Variants in ADGRA3 observed in about 807,000 individuals in gnomAD.
ADGRA3 encodes adhesion G protein-coupled receptor A3, also known as G-protein coupled receptor 125.
A neutral mutation model predicts 119.8 loss-of-function variants in ADGRA3; 56 were observed. The observed-to-expected ratio is 0.47, with a 90% CI of 0.38 to 0.58. The LOEUF is 0.58. Among genes scored for constraint, ADGRA3 ranks in the 20% least tolerant of loss-of-function variants. The pLI is 0.00. For missense variants in ADGRA3, 1,516 were observed against 1,649.0 expected (o/e 0.92, Z 1.40); for synonymous variants, 607 against 623.8 (o/e 0.97, Z 0.40).
At chr4:22,415,262 A>G (rs533328024) in intron 12 of ADGRA3, among the ~76,000 whole-genome samples, 48 of 152,298 alleles carry the variant, frequency 3.2e-4, no homozygotes, top group African/African-American at 1.1e-3. Flanking sequence ...TTTAAAAACA[A>G]TTCTACTTAA....
At chr4:22,404,641 A>G (rs1341163699) in intron 14 of ADGRA3, among the ~76,000 whole-genome samples, 1 of 152,202 alleles carries the variant, frequency 6.6e-6, no homozygotes, top group Non-Finnish European at 1.5e-5. Flanking sequence ...CAACCCTTGG[A>G]GGCCCTGCAG....
chr4:22,505,472 C>T (rs1471144616), intron 1 of ADGRA3, among the ~76,000 whole-genome samples: 1 of 151,840 alleles, frequency 6.6e-6, no homozygotes, highest in Non-Finnish European at 1.5e-5. Context: ...GATGATGAAA[C>T]CACATCTCTA....
chr4:22,433,332 T>TA (rs1386907455), intron 10 of ADGRA3, among the ~76,000 whole-genome samples: 1 of 152,184 alleles, frequency 6.6e-6, no homozygotes, highest in East Asian at 1.9e-4. Context: ...TCTGAGGTCA[T>TA]AAAAATGTTA....
At chr4:22,436,377 G>A in intron 9 of ADGRA3, 63 bp downstream of exon 9, 5 of 1,087,660 alleles carry the variant, frequency 4.6e-6, no homozygotes, top group African/African-American at 1.6e-5. Flanking sequence ...AAAAACTTAT[G>A]TATTTGGTTT....
At chr4:22,437,582 C>T (rs1235651672) in intron 8 of ADGRA3, among the ~76,000 whole-genome samples, 2 of 152,148 alleles carry the variant, frequency 1.3e-5, no homozygotes, top group Admixed American at 1.3e-4. Flanking sequence ...TGTCTTAAAG[C>T]ACCTTTGAAA....
chr4:22,481,199 G>A (rs1219091989), intron 1 of ADGRA3, among the ~76,000 whole-genome samples: 1 of 152,160 alleles, frequency 6.6e-6, no homozygotes, highest in South Asian at 2.1e-4. Context: ...AGAAAGGAAG[G>A]TTGGCTAGAT....
chr4:22,431,548 A>G (rs186757689), intron 10 of ADGRA3, among the ~76,000 whole-genome samples: 21 of 152,326 alleles, frequency 1.4e-4, no homozygotes, highest in South Asian at 2.1e-4. Context: ...TGATGGTTTT[A>G]TAAGGGGTTT....
chr4:22,436,752 CCTGACA>C (rs1207305472), intron 8 of ADGRA3, 111 bp from the exon 9 acceptor site: 3 of 875,316 alleles, frequency 3.4e-6, no homozygotes, highest in Non-Finnish European at 5.4e-6. Context: ...TCAATACAAC[CCTGACA>C]CGGGTCATCA....
intron 2 of ADGRA3, among the ~76,000 whole-genome samples, chr4:22,472,841 G>A (rs1208656714): frequency 6.6e-6 from 1 of 152,156 alleles, no homozygotes; most frequent in Admixed American, 6.5e-5. Context: ...ACATCTTACA[G>A]TGTAGCTCCC....
chr4:22,450,264 CTTCT>C (rs1379078401), intron 4 of ADGRA3, among the ~76,000 whole-genome samples: 4 of 146,238 alleles, frequency 2.7e-5, no homozygotes, highest in Non-Finnish European at 6.0e-5. Flanking sequence ...ATCCTTTATG[CTTCT>C]TTTTTTTTTT....
At chr4:22,451,213 T>C (rs1430612354) in intron 4 of ADGRA3, among the ~76,000 whole-genome samples, 1 of 151,950 alleles carries the variant, frequency 6.6e-6, no homozygotes, top group Admixed American at 6.6e-5. Context: ...ATATTTCTGA[T>C]AGGGAAATAT....
intron 1 of ADGRA3, among the ~76,000 whole-genome samples, chr4:22,513,661 G>A (rs1051784625): frequency 6.6e-6 from 1 of 150,794 alleles, no homozygotes. Context: ...ACAGGCATAC[G>A]CCACTACGCC....
intron 1 of ADGRA3, among the ~76,000 whole-genome samples, chr4:22,501,542 C>T (rs558420109): frequency 1.3e-5 from 2 of 151,962 alleles, no homozygotes; most frequent in East Asian, 3.9e-4. Flanking sequence ...ACTCACCTCC[C>T]AAAACTCTCT....
Position 22,388,893 on chromosome 4 carries a change from G to A in ADGRA3, c.2778C>T (p.Phe926=), listed in dbSNP as rs2108989895. The A allele has an allele frequency of 6.2e-7, 1 of 1,614,090 alleles. No homozygotes were observed. Among genetic ancestry groups the A allele is most frequent in the African/African-American group, 1.3e-5 (1 of 75,040 alleles). Residue 926 remains phenylalanine, a synonymous_variant, in exon 19 of 19, where the codon TTC becomes TTT. Transcript: ENST00000334304. The part of the protein sequence containing the change: ...SLGAFYGPAS[F]ITFVNCMYFL... The stretch of plus-strand genomic sequence containing the variant: ...AGTACATGCAGTTTACAAAAGTGAT[G>A]AAGCTGGCTGGCCCATAGAAGGCTC...
chr4:22,482,219 C>T (rs887486676), intron 1 of ADGRA3, among the ~76,000 whole-genome samples: 3 of 152,150 alleles, frequency 2.0e-5, no homozygotes, highest in Non-Finnish European at 4.4e-5. Flanking sequence ...TCTACCATTT[C>T]TCTCACAACA....
rs374058696 is a variant in ADGRA3 at position 22,438,462 on chromosome 4, G to A, written c.921-42C>T. The stretch of plus-strand genomic sequence containing the variant: ...TTTAAAAAGAGAGAAAATATAATTA[G>A]GCAAAAAAGGAGACAATAATGGGTC... On this transcript the variant is annotated intron_variant, in intron 7 of 18. Transcript: ENST00000334304. 5.3e-5 allele frequency: 80 copies of A among 1,509,584 alleles called. 1 individual carries two copies. The African/African-American group carries it at 6.2e-4, about 12-fold the overall frequency. The allele number at this position is 1,509,584 out of a possible 1,614,324, so 93.5% of individuals were successfully genotyped here. A position where few individuals can be genotyped will look rare whatever the true frequency, so the allele number is the denominator to read the frequency against.
At chr4:22,448,005 A>G (rs981463162) in intron 4 of ADGRA3, among the ~76,000 whole-genome samples, 2 of 152,298 alleles carry the variant, frequency 1.3e-5, no homozygotes, top group South Asian at 4.1e-4. Context: ...GCTTAAAATG[A>G]GAGACTGGGG....
At chr4:22,427,458 T>C (rs539513273) in intron 10 of ADGRA3, among the ~76,000 whole-genome samples, 1 of 149,494 alleles carries the variant, frequency 6.7e-6, no homozygotes, top group African/African-American at 2.6e-5. Flanking sequence ...GTGTTAATAA[T>C]TATAAAAAAA....
chr4:22,485,302 G>A (rs866815541), intron 1 of ADGRA3, among the ~76,000 whole-genome samples: 51 of 152,178 alleles, frequency 3.4e-4, no homozygotes, highest in African/African-American at 1.2e-3. Flanking sequence ...TGATCCACCC[G>A]CCTTGGCCTC....
Sources: allele counts gnomAD v4.1 joint callset (sites outside exome capture counted in the v4.1 genomes callset), GRCh38; gene constraint gnomAD v4.1.1; transcripts MANE v1.5; gene names NCBI Gene and HGNC (gene_info 2026-07-23, HGNC 2026-07-21).